The following TTC7B variants were observed in gnomAD, a reference collection of about 807,000 sequenced individuals.
TTC7B encodes tetratricopeptide repeat domain 7B.
A neutral mutation model predicts 106.8 loss-of-function variants in TTC7B; 28 were observed. The observed-to-expected ratio is 0.26, with a 90% CI of 0.19 to 0.36. The LOEUF (loss-of-function observed/expected upper bound fraction) is 0.36, where lower values mean the gene tolerates loss of function less well. Among genes scored for constraint, TTC7B ranks in the 10% least tolerant of loss-of-function variants. The pLI is 1.00. For missense variants in TTC7B, 862 were observed against 1,076.4 expected, an observed-to-expected ratio of 0.80 and a Z score of 2.79; for synonymous variants, 405 against 430.6, an observed-to-expected ratio of 0.94 and a Z score of 0.74.
chr14:90,766,139 T>TTTG (rs1555397474), intron 3 of TTC7B, among the ~76,000 whole-genome samples: 1 of 151,058 alleles, frequency 6.6e-6, no homozygotes, highest in African/African-American at 2.4e-5. Context: ...TACAACGTTT[T>TTTG]TTTTTTTTTT....
At chr14:90,781,526 G>A (rs537138431) in intron 2 of TTC7B, among the ~76,000 whole-genome samples, 22 of 152,272 alleles carry the variant, frequency 1.4e-4, no homozygotes, top group African/African-American at 5.3e-4. Flanking sequence ...TGGCTGGGCT[G>A]GGCCGGCTGG....
intron 5 of TTC7B, among the ~76,000 whole-genome samples, chr14:90,704,976 A>C (rs534923319): frequency 2.0e-5 from 3 of 152,350 alleles, no homozygotes; most frequent in Middle Eastern, 3.4e-3. Flanking sequence ...CAGCAGAGCA[A>C]ACATGATCTG....
intron 1 of TTC7B, among the ~76,000 whole-genome samples, chr14:90,815,496 G>GCTCCACAATATTCTCC (rs2031121106): frequency 6.6e-6 from 1 of 151,322 alleles, no homozygotes; most frequent in East Asian, 2.0e-4. Flanking sequence ...TTCCCATCTC[G>GCTCCACAATATTCTCC]CTCCACAATA....
rs1208282732 is a variant in TTC7B, at chr14:90,749,522, C to T, written c.446-4600G>A. On this transcript the variant is annotated intron_variant, in intron 3 of 19. Coordinates refer to ENST00000328459, the MANE Select transcript of TTC7B (RefSeq NM_001010854.2). ...CCAGGTTCAAGTGATTCTCCTGCTT[C>T]AGCCTCCCGAGTAGCTGGGATTGCA... Among the ~76,000 whole-genome samples the T allele has an allele frequency of 2.0e-5, 3 of 150,776 alleles. No homozygotes were observed. The East Asian group carries it at 5.9e-4, about 29-fold the overall frequency.
chr14:90,624,515 C>T lies in TTC7B; in HGVS notation c.1752-6470G>A, dbSNP rs1228286430. On this transcript the variant is annotated intron_variant, in intron 15 of 19. Coordinates refer to ENST00000328459, the MANE Select transcript of TTC7B (RefSeq NM_001010854.2). The surrounding 1 kb of genome is among the most constrained non-coding windows in gnomAD (Gnocchi z 4.0). ...GACATGCACCTCTAGTACCTCACACCCTAGTTTAGTTTTAGCCTTGGCCCC... is the reference window on the plus strand; with the variant it reads ...GACATGCACCTCTAGTACCTCACACTCTAGTTTAGTTTTAGCCTTGGCCCC... 2.0e-5 allele frequency among the ~76,000 whole-genome samples: 3 copies of T among 152,164 alleles called. No homozygotes were observed. The highest frequency in any genetic ancestry group is 6.5e-5 in the Admixed American group (1 of 15,284).
chr14:90,551,984 G>A (rs1380670320), intron 19 of TTC7B, among the ~76,000 whole-genome samples: 2 of 152,268 alleles, frequency 1.3e-5, no homozygotes, highest in African/African-American at 4.8e-5. Context: ...ATGGGGCTCT[G>A]TTTTGTGTTT....
intron 1 of TTC7B, among the ~76,000 whole-genome samples, chr14:90,810,373 T>C (rs1280915641): frequency 2.6e-5 from 4 of 152,214 alleles, no homozygotes; most frequent in Non-Finnish European, 5.9e-5. Flanking sequence ...AAGTTGAAGG[T>C]TACCCCCCAT....
At chr14:90,658,495 G>C in intron 9 of TTC7B, 108 bp from the exon 10 acceptor site, 8 of 1,067,296 alleles carry the variant, frequency 7.5e-6, no homozygotes, top group South Asian at 1.3e-5. Flanking sequence ...CATAAAATCT[G>C]CTTCCCTTGA....
chr14:90,785,108 C>T (rs1327321604), intron 2 of TTC7B, among the ~76,000 whole-genome samples: 2 of 152,138 alleles, frequency 1.3e-5, no homozygotes, highest in Admixed American at 1.3e-4. Context: ...TAAGAGCCCA[C>T]CCCATTCAAA....
At chr14:90,661,203 T>C (rs61987046) in intron 9 of TTC7B, among the ~76,000 whole-genome samples, 27,422 of 152,240 alleles carry the variant, frequency 0.18, 3,134 homozygotes, top group East Asian at 0.46. Flanking sequence ...AATTCCTCTT[T>C]GGCTAAGCCA....
chr14:90,657,156 G>T lies in TTC7B; in HGVS notation c.1341+18C>A. On this transcript the variant is annotated intron_variant, in intron 11 of 19. Coordinates refer to ENST00000328459, the MANE Select transcript of TTC7B (RefSeq NM_001010854.2). This position sits in a 1 kb window ranked among gnomAD's most constrained non-coding sequence, Gnocchi z 4.2. ...CAGAGTCCTCTGCAGGAGCGGGGAG[G>T]GGGGCGCCCCTACTCACCCAGTGCA... is the stretch of plus-strand genomic sequence containing the variant. The T allele has an allele frequency of 1.2e-6, 2 of 1,605,304 alleles. No individual in the cohort carries two copies. The highest frequency in any genetic ancestry group is 1.7e-6 in the Non-Finnish European group (2 of 1,172,678).
In TTC7B at chr14:90,692,918, G is replaced by A. The variant is rs1316506331; in HGVS notation, c.777+2582C>T. Reference sequence around the variant, plus strand: ...GAGCTCTTGGTGGTGGTGATGGCAGGGTGTGTGTGTGTGTGTGTGAAGTTG... The same window carrying A: ...GAGCTCTTGGTGGTGGTGATGGCAGAGTGTGTGTGTGTGTGTGTGAAGTTG... On this transcript the variant is annotated intron_variant, in intron 6 of 19. Coordinates refer to ENST00000328459, the MANE Select transcript of TTC7B (RefSeq NM_001010854.2). Among the ~76,000 whole-genome samples, 4 of 149,556 alleles carry A rather than the reference G, an allele frequency of 2.7e-5. No individual in the cohort carries two copies. The East Asian group carries it at 5.8e-4, about 22-fold the overall frequency.
intron 6 of TTC7B, among the ~76,000 whole-genome samples, chr14:90,692,180 T>C (rs1010148735): frequency 1.3e-5 from 2 of 152,342 alleles, no homozygotes; most frequent in East Asian, 3.9e-4. Flanking sequence ...CGAACATCCA[T>C]GTACAAGTTT....
intron 19 of TTC7B, among the ~76,000 whole-genome samples, chr14:90,542,904 C>T (rs901237095): frequency 3.3e-5 from 5 of 152,150 alleles, no homozygotes; most frequent in African/African-American, 1.2e-4. Flanking sequence ...CTTTAGCACT[C>T]CCCAAACATT....
At chr14:90,714,155 A>G (rs1437162925) in intron 5 of TTC7B, among the ~76,000 whole-genome samples, 4 of 152,018 alleles carry the variant, frequency 2.6e-5, no homozygotes, top group Admixed American at 6.6e-5. Flanking sequence ...ACTTGAATCC[A>G]GGAGGCGGAG....
chr14:90,591,471 T>C (rs1891954995), intron 18 of TTC7B, among the ~76,000 whole-genome samples: 2 of 152,188 alleles, frequency 1.3e-5, no homozygotes, highest in South Asian at 4.1e-4. Context: ...GGGCAAAGTC[T>C]CTGGATAACT....
chr14:90,599,623 G>T (rs563663902), intron 17 of TTC7B, among the ~76,000 whole-genome samples: 1 of 152,312 alleles, frequency 6.6e-6, no homozygotes, highest in South Asian at 2.1e-4. Flanking sequence ...CCCCGTCTCT[G>T]TTTGGCACCC....
In TTC7B at chr14:90,536,972, C is replaced by A. The variant is rs780061269; in HGVS notation, c.*4396G>T. 1.3e-5 allele frequency: 2 copies of A among 152,614 alleles called. No homozygotes were observed. The highest frequency in any genetic ancestry group is 1.9e-4 in the East Asian group (1 of 5,178). The allele number at this position is 152,614 out of a possible 1,614,324, so 9.5% of individuals were successfully genotyped here. On this transcript the variant is annotated 3_prime_UTR_variant, in exon 20 of 20. Coordinates refer to ENST00000328459, the MANE Select transcript of TTC7B (RefSeq NM_001010854.2). ...CAGGAGGTCAAAGGCAGAAAGGTGA[C>A]GCAGTGACGGAGCAGAGGAAGGAAA... is the stretch of plus-strand genomic sequence containing the variant.
At chr14:90,790,277 C>A (rs1331620509) in intron 1 of TTC7B, among the ~76,000 whole-genome samples, 4 of 150,016 alleles carry the variant, frequency 2.7e-5, no homozygotes, top group African/African-American at 9.8e-5. Flanking sequence ...GAGCAAAATT[C>A]TTTTATATCA....
Sources: allele counts gnomAD v4.1 joint callset (sites outside exome capture counted in the v4.1 genomes callset), GRCh38; gene constraint gnomAD v4.1.1; non-coding constraint Gnocchi (gnomAD v3.1); transcripts MANE v1.5; gene names NCBI Gene and HGNC (gene_info 2026-07-23, HGNC 2026-07-21).